The following CCDC148 variants were observed in gnomAD, a reference collection of about 807,000 sequenced individuals.
CCDC148 encodes the protein coiled-coil domain containing 148, also known as coiled-coil domain-containing protein 148.
Under a neutral mutation model 85.7 loss-of-function variants are expected in CCDC148, and 89 were observed. The ratio of observed to expected loss-of-function variants is 1.04; its 90% CI spans 0.87 to 1.24. CCDC148 has a LOEUF of 1.24. Ranked by LOEUF, CCDC148 falls within the 50% of genes most tolerant of loss-of-function variation. The probability of loss-of-function intolerance (pLI) is 0.00; values close to 1 mark genes in which losing one functional copy is unlikely to be tolerated. For synonymous variants in CCDC148, 230 were observed against 213.9 expected (o/e 1.08, Z -0.66); for missense variants, 692 against 671.7 (o/e 1.03, Z -0.33).
chr2:158,264,819 A>G lies in CCDC148; in HGVS notation c.1111-13907T>C, dbSNP rs58926550. 7.3e-3 allele frequency among the ~76,000 whole-genome samples: 1,115 copies of G among 152,222 alleles called. 17 individuals carry two copies. Among genetic ancestry groups the G allele is most frequent in the African/African-American group, 0.026 (1,063 of 41,532 alleles). On this transcript the variant is annotated intron_variant, in intron 9 of 13. Transcript: ENST00000283233. ...ATTACAATACGTTCGTGGAAATGGG[A>G]AATCTTATTCTTTTCCATAAAGTCT...
Position 158,260,451 on chromosome 2 carries a change from C to G in CCDC148, c.1111-9539G>C, listed in dbSNP as rs140002700. 2.0e-5 allele frequency among the ~76,000 whole-genome samples: 3 copies of G among 152,030 alleles called. No homozygotes were observed. In the East Asian group the frequency reaches 5.8e-4, roughly 29 times the overall value. ...AATCATTCCCACTTGAAAACCGGCACAAGACAGGGATGCCTTCTCTCACCA... is the reference window on the plus strand; with the variant it reads ...AATCATTCCCACTTGAAAACCGGCAGAAGACAGGGATGCCTTCTCTCACCA... On this transcript the variant is annotated intron_variant, in intron 9 of 13. Coordinates refer to ENST00000283233, the MANE Select transcript of CCDC148 (RefSeq NM_138803.4).
At chr2:158,452,594 C>A (rs1333668815) in intron 1 of CCDC148, among the ~76,000 whole-genome samples, 2 of 152,030 alleles carry the variant, frequency 1.3e-5, no homozygotes, top group Non-Finnish European at 2.9e-5. Context: ...ACCAAGACAG[C>A]TGCTCTCTCT....
chr2:158,266,817 T>A (rs1290212822), intron 9 of CCDC148, among the ~76,000 whole-genome samples: 1 of 151,970 alleles, frequency 6.6e-6, no homozygotes, highest in East Asian at 1.9e-4. Flanking sequence ...TTTTTATGGC[T>A]CAGTACTAGT....
intron 1 of CCDC148, among the ~76,000 whole-genome samples, chr2:158,374,322 G>A (rs1323014177): frequency 1.3e-5 from 2 of 151,976 alleles, no homozygotes; most frequent in African/African-American, 4.8e-5. Context: ...AGTAATCTAA[G>A]GATATCTATG....
chr2:158,324,085 T>A (rs1045049895), intron 7 of CCDC148, among the ~76,000 whole-genome samples: 1 of 151,830 alleles, frequency 6.6e-6, no homozygotes, highest in South Asian at 2.1e-4. Flanking sequence ...GCCCAGCTAA[T>A]TTTTGTATTT....
intron 10 of CCDC148, among the ~76,000 whole-genome samples, chr2:158,244,102 A>T (rs1688468688): frequency 6.6e-6 from 1 of 152,132 alleles, no homozygotes; most frequent in Non-Finnish European, 1.5e-5. Context: ...TTCTACTAAC[A>T]GTTGATTCAA....
intron 9 of CCDC148, among the ~76,000 whole-genome samples, chr2:158,264,731 G>A (rs1201529817): frequency 6.6e-6 from 1 of 151,946 alleles, no homozygotes; most frequent in African/African-American, 2.4e-5. Flanking sequence ...CTCACAAGAC[G>A]ATAAATCCAG....
In CCDC148 at chr2:158,416,019, G is replaced by T. The variant is rs144869934; in HGVS notation, c.25+40396C>A. Among the ~76,000 whole-genome samples, 281 of 152,336 alleles carry T rather than the reference G, an allele frequency of 1.8e-3. 4 individuals carry two copies. The highest frequency in any genetic ancestry group is 0.016 in the Admixed American group (251 of 15,298). On this transcript the variant is annotated intron_variant, in intron 1 of 13. Transcript: ENST00000283233. The stretch of plus-strand genomic sequence containing the variant: ...TAGATCCTCTGAAATCTAAGCATAG[G>T]CTCCCAAGCTTCAGCTCTTGTCTTC...
chr2:158,429,524 T>A (rs1311888753), intron 1 of CCDC148, among the ~76,000 whole-genome samples: 1 of 152,094 alleles, frequency 6.6e-6, no homozygotes, highest in Non-Finnish European at 1.5e-5. Flanking sequence ...CAGATTAGTA[T>A]GATATTCTAG....
In CCDC148 at chr2:158,429,978, G is replaced by C. The variant is rs113418539; in HGVS notation, c.25+26437C>G. 3.8e-3 allele frequency among the ~76,000 whole-genome samples: 577 copies of C among 152,316 alleles called. 2 individuals are homozygous for C. Among genetic ancestry groups the C allele is most frequent in the African/African-American group, 0.013 (555 of 41,564 alleles). ...GAAGGCATCTGGAAGTTGTGAAGCA[G>C]AGTTATAAAAAAGAGGGAGCTATGC... is the stretch of plus-strand genomic sequence containing the variant. On this transcript the variant is annotated intron_variant, in intron 1 of 13. Coordinates refer to ENST00000283233, the MANE Select transcript of CCDC148 (RefSeq NM_138803.4).
At chr2:158,296,524 C>T (rs1398456746) in intron 9 of CCDC148, among the ~76,000 whole-genome samples, 1 of 152,108 alleles carries the variant, frequency 6.6e-6, no homozygotes, top group Non-Finnish European at 1.5e-5. Flanking sequence ...TCCTAAATTA[C>T]CCAGTACTTG....
chr2:158,303,490 TA>T (rs969841655), intron 9 of CCDC148, among the ~76,000 whole-genome samples: 13 of 151,982 alleles, frequency 8.6e-5, no homozygotes, highest in African/African-American at 2.9e-4. Context: ...CCTTCCAGGT[TA>T]AAAAAAATTA....
intron 9 of CCDC148, among the ~76,000 whole-genome samples, chr2:158,306,513 T>C (rs1691693678): frequency 6.6e-6 from 1 of 151,932 alleles, no homozygotes; most frequent in Non-Finnish European, 1.5e-5. Context: ...AAAGGATGAG[T>C]TCATGTCCTT....
At chr2:158,331,796 A>G (rs2105233036) in intron 7 of CCDC148, among the ~76,000 whole-genome samples, 2 of 152,234 alleles carry the variant, frequency 1.3e-5, no homozygotes, top group Admixed American at 1.3e-4. Context: ...TTGTTGGTTT[A>G]AAGTCTGTTT....
chr2:158,338,654 G>A, intron 7 of CCDC148, 72 bp downstream of exon 7: 1 of 1,066,634 alleles, frequency 9.4e-7, no homozygotes, highest in South Asian at 1.5e-5. Flanking sequence ...TAAGTTGGAA[G>A]TATAGTGATC....
rs144060226 is a variant in CCDC148, at chr2:158,194,719, T to C, written c.1371-15723A>G. 2.2e-4 allele frequency among the ~76,000 whole-genome samples: 33 copies of C among 152,310 alleles called. No homozygotes were observed. The East Asian group carries it at 5.2e-3, about 24-fold the overall frequency. ...GCAACAACGAGATAGAAAATTGTTA[T>C]AGTGACCAGCCCCTTGGATATTGCT... On this transcript the variant is annotated intron_variant, in intron 11 of 13. Coordinates refer to ENST00000283233, the MANE Select transcript of CCDC148 (RefSeq NM_138803.4).
intron 7 of CCDC148, among the ~76,000 whole-genome samples, chr2:158,326,827 G>A (rs1188959043): frequency 6.6e-6 from 1 of 151,946 alleles, no homozygotes; most frequent in Non-Finnish European, 1.5e-5. Context: ...CAAGATGAAT[G>A]TTATCAATTT....
At chr2:158,240,938 C>A (rs888214049) in intron 10 of CCDC148, among the ~76,000 whole-genome samples, 1 of 152,158 alleles carries the variant, frequency 6.6e-6, no homozygotes, top group Non-Finnish European at 1.5e-5. Context: ...CTAATCACTT[C>A]TGTTAGCATA....
intron 9 of CCDC148, among the ~76,000 whole-genome samples, chr2:158,301,316 A>G (rs1254723244): frequency 6.6e-6 from 1 of 152,264 alleles, no homozygotes; most frequent in Non-Finnish European, 1.5e-5. Flanking sequence ...AGTTTTCAAA[A>G]GTTGGTAAAT....
Sources: gnomAD v4.1 joint callset for allele counts (sites outside exome capture counted in the v4.1 genomes callset) on GRCh38, gnomAD v4.1.1 for gene constraint, MANE v1.5 for transcripts, NCBI Gene and HGNC (gene_info 2026-07-23, HGNC 2026-07-21) for gene names.